Variants in FBLN2 observed in about 807,000 individuals in gnomAD.
FBLN2 encodes the protein fibulin-2.
Under a neutral mutation model 123.7 loss-of-function variants are expected in FBLN2, and 81 were observed. The ratio of observed to expected loss-of-function variants is 0.65; its 90% CI spans 0.55 to 0.79. The LOEUF is 0.79. FBLN2 is among the 30% of genes least tolerant of loss of function. FBLN2 has a pLI of 0.00. For missense variants in FBLN2, 1,603 were observed against 1,681.3 expected, an observed-to-expected ratio of 0.95 and a Z score of 0.81; for synonymous variants, 699 against 701.4, an observed-to-expected ratio of 1.00 and a Z score of 0.05.
At chr3:13,619,619 G>C (rs750898903) in intron 7 of FBLN2, 111 bp from the exon 8 acceptor site, 290 of 812,440 alleles carry the variant, frequency 3.6e-4, no homozygotes, top group Middle Eastern at 6.8e-4. Context: ...TGCCTTCTAG[G>C]GGCCTTGTTT....
chr3:13,618,128 C>T lies in FBLN2; in HGVS notation c.1782C>T (p.Ala594=), dbSNP rs769732349. 9.3e-6 allele frequency: 15 copies of T among 1,613,390 alleles called. No homozygotes were observed. The highest frequency in any genetic ancestry group is 5.0e-5 in the Admixed American group (3 of 60,014). ...AGGCCCTGTCACTGGGCACAGAGGC[C>T]GAGCTGCCGAACAGCCTGCCGGGCG... ...GREALSLGTE[A]ELPNSLPGDD... Residue 594 remains alanine (A), a synonymous_variant, in exon 6 of 18, where the codon GCC becomes GCT. Coordinates refer to ENST00000404922, the MANE Select transcript of FBLN2 (RefSeq NM_001004019.2).
chr3:13,579,374 T>C (rs1704249122), intron 2 of FBLN2, among the ~76,000 whole-genome samples: 2 of 152,212 alleles, frequency 1.3e-5, no homozygotes, highest in Admixed American at 6.5e-5. Flanking sequence ...GGGGAGAGTG[T>C]ATGAAGAAGG....
chr3:13,609,829 C>G (rs1366754469), intron 4 of FBLN2, among the ~76,000 whole-genome samples, 187 bp downstream of exon 4: 1 of 152,232 alleles, frequency 6.6e-6, no homozygotes, highest in Non-Finnish European at 1.5e-5. Flanking sequence ...ATTATACTGA[C>G]CAATTAATTC....
At position 13,571,599 on chromosome 3, in the gene FBLN2, C is replaced by T; in HGVS notation, c.1244C>T (p.Ser415Phe). The change falls in exon 2 of 18, where the codon TCC (serine) becomes TTC (phenylalanine). Residue 415 changes from serine (S) to phenylalanine (F), a missense_variant. Physicochemically the swap from Ser to Phe is radical, Grantham distance 155. Coordinates refer to ENST00000404922, the MANE Select transcript of FBLN2 (RefSeq NM_001004019.2). ...VPRKPQVLPH[S>F]HVEEDTDPNS... The stretch of plus-strand genomic sequence containing the variant: ...AGGAAGCCGCAAGTTCTGCCCCATT[C>T]CCACGTGGAGGAGGACACAGACCCC... The T allele has an allele frequency of 6.2e-7, 1 of 1,612,896 alleles. No homozygotes were observed. The highest frequency in any genetic ancestry group is 8.5e-7 in the Non-Finnish European group (1 of 1,179,436).
At position 13,614,301 on chromosome 3, in the gene FBLN2, T is replaced by C. The variant is rs933415804; in HGVS notation, c.1729+137T>C. The C allele has an allele frequency of 5.0e-5, 43 of 867,630 alleles. 1 individual carries two copies. In the South Asian group the frequency reaches 5.7e-4, roughly 12 times the overall value. 53.7% of individuals were successfully genotyped at this position (867,630 alleles called of 1,614,324 possible). A position where few individuals can be genotyped will look rare whatever the true frequency, so the allele number is the denominator to read the frequency against. On this transcript the variant is annotated intron_variant, in intron 5 of 17. Coordinates refer to ENST00000404922, the MANE Select transcript of FBLN2 (RefSeq NM_001004019.2). ...GCTCTAAACAGAGTTCTGAGGATGGTGATTTCATTGTTTTCTGTGGACTAC... is the reference window on the plus strand; with the variant it reads ...GCTCTAAACAGAGTTCTGAGGATGGCGATTTCATTGTTTTCTGTGGACTAC...
intron 16 of FBLN2, 46 bp downstream of exon 16, chr3:13,631,503 G>T (rs761761821): frequency 1.9e-6 from 3 of 1,543,604 alleles, no homozygotes; most frequent in Non-Finnish European, 2.6e-6. Context: ...AGGGCCTTGG[G>T]CAGGCTCCAA....
rs374097994 is a variant in FBLN2 at position 13,571,375 on chromosome 3, C to T, written c.1020C>T (p.Leu340=). 4 of 1,612,694 alleles carry T rather than the reference C, an allele frequency of 2.5e-6. No homozygotes were observed. The highest frequency in any genetic ancestry group is 3.4e-6 in the Non-Finnish European group (4 of 1,179,560). The change falls in exon 2 of 18, where the codon CTC becomes CTT. Residue 340 remains leucine (L), a synonymous_variant. Coordinates refer to ENST00000404922, the MANE Select transcript of FBLN2 (RefSeq NM_001004019.2). ...AEAGARPEEN[L]ILDAQATSRS... ...CTGGGGCAAGGCCTGAAGAGAACCT[C>T]ATCCTGGATGCCCAAGCCACGTCCC...
intron 2 of FBLN2, among the ~76,000 whole-genome samples, chr3:13,598,444 C>T (rs1482853001): frequency 6.6e-6 from 1 of 152,224 alleles, no homozygotes; most frequent in Non-Finnish European, 1.5e-5. Flanking sequence ...CTGTGCTCAT[C>T]TTGTGACCCT....
intron 1 of FBLN2, among the ~76,000 whole-genome samples, chr3:13,550,599 C>T (rs1000547801): frequency 6.6e-6 from 1 of 152,240 alleles, no homozygotes; most frequent in African/African-American, 2.4e-5. Context: ...GAAGTGTTCC[C>T]TCAGCCTGGC....
chr3:13,555,537 C>T (rs1402053577), intron 1 of FBLN2, among the ~76,000 whole-genome samples: 2 of 152,064 alleles, frequency 1.3e-5, no homozygotes, highest in East Asian at 1.9e-4. Flanking sequence ...TCACTGCAAG[C>T]TCCGCCTCCC....
At chr3:13,580,081 A>G (rs1399623216) in intron 2 of FBLN2, among the ~76,000 whole-genome samples, 2 of 152,062 alleles carry the variant, frequency 1.3e-5, no homozygotes, top group Admixed American at 6.6e-5. Context: ...ATTGTTGCAT[A>G]GTGTTCCGTT....
rs577991401 is a variant in FBLN2 at position 13,581,514 on chromosome 3, T to C, written c.1306+9853T>C. On this transcript the variant is annotated intron_variant, in intron 2 of 17. Transcript: ENST00000404922. ...GGAGGCTGAGGTAGTATGCGTGCCG[T>C]AAACCTCAACACCCACAGACTCTTG... Among the ~76,000 whole-genome samples, 5 of 152,194 alleles carry C rather than the reference T, an allele frequency of 3.3e-5. No homozygotes were observed. The South Asian group carries it at 1.0e-3, about 32-fold the overall frequency.
intron 2 of FBLN2, among the ~76,000 whole-genome samples, chr3:13,597,516 TC>T (rs1185538389): frequency 6.6e-6 from 1 of 152,156 alleles, no homozygotes; most frequent in East Asian, 1.9e-4. Flanking sequence ...TGTGCAGTAT[TC>T]CCCTGTGACC....
chr3:13,568,188 T>C (rs1703806368), intron 1 of FBLN2, among the ~76,000 whole-genome samples: 1 of 152,190 alleles, frequency 6.6e-6, no homozygotes. Flanking sequence ...CCGCCGGCCC[T>C]GAGCCTGGTC....
At position 13,629,240 on chromosome 3, in the gene FBLN2, C is replaced by T; in HGVS notation, c.2790C>T (p.Arg930=). The change falls in exon 13 of 18, where the codon CGC becomes CGT. Residue 930 remains arginine, a synonymous_variant. Coordinates refer to ENST00000404922, the MANE Select transcript of FBLN2 (RefSeq NM_001004019.2). The stretch of plus-strand genomic sequence containing the variant: ...GCCACAACCTCCCTGGCTCCTACCG[C>T]TGTGACTGCAAAGCCGGCTTTCAGC... ...QVCHNLPGSY[R]CDCKAGFQRD... is the part of the protein sequence containing the mutation. The T allele has an allele frequency of 6.2e-7, 1 of 1,613,194 alleles. No homozygotes were observed. The highest frequency in any genetic ancestry group is 1.7e-5 in the Admixed American group (1 of 59,980).
intron 2 of FBLN2, among the ~76,000 whole-genome samples, chr3:13,599,968 C>T (rs1005097953): frequency 8.6e-5 from 13 of 150,404 alleles, no homozygotes; most frequent in African/African-American, 3.2e-4. Flanking sequence ...GAAGAAGCCC[C>T]AGGGTTGAGA....
intron 2 of FBLN2, among the ~76,000 whole-genome samples, chr3:13,578,375 C>T (rs779380947): frequency 9.2e-5 from 14 of 152,106 alleles, no homozygotes; most frequent in East Asian, 1.9e-4. Context: ...TCCCAGTCCC[C>T]GGTAGCCAGG....
chr3:13,619,607 C>T (rs1310643960), intron 7 of FBLN2, 123 bp from the exon 8 acceptor site: 2 of 743,948 alleles, frequency 2.7e-6, no homozygotes, highest in Non-Finnish European at 4.4e-6. Flanking sequence ...TCCCAGCATC[C>T]CTGCCTTCTA....
At chr3:13,587,536 G>GC (rs1044747708) in intron 2 of FBLN2, among the ~76,000 whole-genome samples, 65 of 152,066 alleles carry the variant, frequency 4.3e-4, no homozygotes, top group African/African-American at 1.4e-3. Context: ...AAATTCTAAG[G>GC]CCCCCCGCCA....
Sources: gnomAD v4.1 joint callset for allele counts (sites outside exome capture counted in the v4.1 genomes callset) on GRCh38, gnomAD v4.1.1 for gene constraint, MANE v1.5 for transcripts, NCBI Gene and HGNC (gene_info 2026-07-23, HGNC 2026-07-21) for gene names.